PRKACB: variants seen among roughly 807,000 people sequenced by gnomAD.
PRKACB encodes the protein protein kinase cAMP-activated catalytic subunit beta, also known as cAMP-dependent protein kinase catalytic subunit beta.
PRKACB carries 16 observed loss-of-function variants against 51.4 expected under a neutral mutation model. That is an observed-to-expected ratio of 0.31 (90% confidence interval 0.21 to 0.47). The LOEUF (loss-of-function observed/expected upper bound fraction) is 0.47. Ranked by LOEUF, PRKACB falls within the 20% of genes least tolerant of loss-of-function variation. The probability of loss-of-function intolerance (pLI) is 1.00; values close to 1 mark genes in which losing one functional copy is unlikely to be tolerated. For missense variants in PRKACB, 309 were observed against 464.5 expected (o/e 0.67, Z 3.08); for synonymous variants, 147 against 154.4 (o/e 0.95, Z 0.35).
intron 1 of PRKACB, among the ~76,000 whole-genome samples, chr1:84,160,981 A>G (rs535672836): frequency 3.7e-4 from 56 of 152,032 alleles, no homozygotes; most frequent in African/African-American, 1.3e-3. Context: ...ATAAATGTCA[A>G]GATTTTTTTG....
chr1:84,086,489 C>T (rs1447382755), intron 1 of PRKACB, among the ~76,000 whole-genome samples: 1 of 152,166 alleles, frequency 6.6e-6, no homozygotes, highest in Non-Finnish European at 1.5e-5. Context: ...AGAGAGAGCC[C>T]AGGCCAGCCC....
At chr1:84,231,471 G>C (rs906651683) in intron 9 of PRKACB, among the ~76,000 whole-genome samples, 1 of 152,120 alleles carries the variant, frequency 6.6e-6, no homozygotes, top group African/African-American at 2.4e-5. Context: ...TTTTTCTATT[G>C]ATTGGAATAG....
intron 8 of PRKACB, among the ~76,000 whole-genome samples, chr1:84,206,050 G>C (rs764553850): frequency 6.6e-6 from 1 of 152,058 alleles, no homozygotes; most frequent in African/African-American, 2.4e-5. Flanking sequence ...GTTACCCATG[G>C]AAATATAGAA....
chr1:84,218,494 TC>T (rs1261386071), intron 9 of PRKACB, among the ~76,000 whole-genome samples: 1 of 152,218 alleles, frequency 6.6e-6, no homozygotes, highest in Non-Finnish European at 1.5e-5. Context: ...AAGATTTCAT[TC>T]TTTTTTTTAC....
intron 1 of PRKACB, among the ~76,000 whole-genome samples, chr1:84,162,860 C>T (rs780515466): frequency 6.6e-6 from 1 of 151,802 alleles, no homozygotes; most frequent in Non-Finnish European, 1.5e-5. Context: ...AAGTTTTTGT[C>T]AAAAATGTGT....
At chr1:84,187,780 A>T (rs751877073) in intron 5 of PRKACB, among the ~76,000 whole-genome samples, 6 of 152,152 alleles carry the variant, frequency 3.9e-5, no homozygotes, top group African/African-American at 1.4e-4. Flanking sequence ...CATTGATTAC[A>T]TAGGAATCTT....
At chr1:84,195,023 A>C (rs773092005) in intron 5 of PRKACB, among the ~76,000 whole-genome samples, 3 of 152,248 alleles carry the variant, frequency 2.0e-5, no homozygotes, top group Non-Finnish European at 4.4e-5. Context: ...TAATCATATT[A>C]ATGACATTTT....
At chr1:84,203,569 G>C (rs756601089) in intron 8 of PRKACB, among the ~76,000 whole-genome samples, 12 of 151,812 alleles carry the variant, frequency 7.9e-5, no homozygotes, top group Non-Finnish European at 1.8e-4. Flanking sequence ...CTACCATGCA[G>C]CAATGAAAGA....
intron 9 of PRKACB, among the ~76,000 whole-genome samples, chr1:84,231,531 G>A (rs1342199039): frequency 6.6e-6 from 1 of 152,170 alleles, no homozygotes; most frequent in Non-Finnish European, 1.5e-5. Context: ...GTAGAATTCG[G>A]CTGTGAATCC....
At chr1:84,179,089 G>A (rs1318833288) in intron 1 of PRKACB, 88 bp from the exon 2 acceptor site, 2 of 1,371,992 alleles carry the variant, frequency 1.5e-6, no homozygotes, top group South Asian at 1.4e-5. Flanking sequence ...CTTTTTTTAA[G>A]TGAGAAAACC....
chr1:84,097,114 C>T (rs1648978355), intron 1 of PRKACB, among the ~76,000 whole-genome samples: 2 of 151,990 alleles, frequency 1.3e-5, no homozygotes, highest in South Asian at 2.1e-4. Context: ...GGTGTGAATA[C>T]ACAATTTATT....
intron 1 of PRKACB, among the ~76,000 whole-genome samples, chr1:84,104,712 T>G (rs1330708033): frequency 6.6e-6 from 1 of 152,178 alleles, no homozygotes; most frequent in Non-Finnish European, 1.5e-5. Context: ...TTAGTGATGT[T>G]GAGCATTTTT....
In PRKACB at chr1:84,235,726, A is replaced by G. The variant is rs887908811; in HGVS notation, c.*421A>G. ...TTATTGCCAATATTGTTGTTGGTCA[A>G]TGGCTTGAAGATAAACTTTCTAATA... On this transcript the variant is annotated 3_prime_UTR_variant, in exon 10 of 10. Coordinates refer to ENST00000370685, the MANE Select transcript of PRKACB (RefSeq NM_182948.4). 1 of 154,174 alleles carries G rather than the reference A, an allele frequency of 6.5e-6. No homozygotes were observed. The highest frequency in any genetic ancestry group is 1.4e-5 in the Non-Finnish European group (1 of 69,150). 9.6% of individuals were successfully genotyped at this position (154,174 alleles called of 1,614,324 possible).
chr1:84,122,055 GTC>G (rs1378954618), intron 1 of PRKACB, among the ~76,000 whole-genome samples: 1 of 152,054 alleles, frequency 6.6e-6, no homozygotes, highest in Non-Finnish European at 1.5e-5. Flanking sequence ...TACATGTTAA[GTC>G]TCTGAGTGGT....
At chr1:84,147,225 T>A (rs1180252528) in intron 1 of PRKACB, among the ~76,000 whole-genome samples, 1 of 152,038 alleles carries the variant, frequency 6.6e-6, no homozygotes, top group East Asian at 1.9e-4. Flanking sequence ...TTTTAGTAAA[T>A]CTTAGATTTA....
At chr1:84,201,258 T>G (rs1238073011) in intron 7 of PRKACB, among the ~76,000 whole-genome samples, 1 of 152,148 alleles carries the variant, frequency 6.6e-6, no homozygotes, top group Non-Finnish European at 1.5e-5. Flanking sequence ...AGGCAATAAA[T>G]TGTATCTCAT....
At chr1:84,082,208 T>G (rs1647591848) in intron 1 of PRKACB, among the ~76,000 whole-genome samples, 1 of 152,206 alleles carries the variant, frequency 6.6e-6, no homozygotes, top group Non-Finnish European at 1.5e-5. Flanking sequence ...TTGAGGCAAC[T>G]GTAACCTCAG....
intron 1 of PRKACB, among the ~76,000 whole-genome samples, chr1:84,149,718 A>G (rs1454664524): frequency 6.6e-6 from 1 of 152,130 alleles, no homozygotes; most frequent in Non-Finnish European, 1.5e-5. Flanking sequence ...ATGTTTTGCT[A>G]TTAAAAAATG....
At chr1:84,105,364 G>A (rs921366763) in intron 1 of PRKACB, among the ~76,000 whole-genome samples, 3 of 151,844 alleles carry the variant, frequency 2.0e-5, no homozygotes, top group Non-Finnish European at 2.9e-5. Context: ...TTCTGACATC[G>A]AGGCACCACG....
Sources: gnomAD v4.1 joint callset for allele counts (sites outside exome capture counted in the v4.1 genomes callset) on GRCh38, gnomAD v4.1.1 for gene constraint, MANE v1.5 for transcripts, NCBI Gene and HGNC (gene_info 2026-07-23, HGNC 2026-07-21) for gene names.